ADGRA3: variants seen among roughly 807,000 people sequenced by gnomAD.
ADGRA3 encodes adhesion G protein-coupled receptor A3, also known as G-protein coupled receptor 125.
In ADGRA3, 56 loss-of-function variants were observed where a neutral mutation model predicts 119.8. That is an observed-to-expected ratio of 0.47 (90% CI 0.38 to 0.58). ADGRA3 has a LOEUF of 0.58. Among genes scored for constraint, ADGRA3 ranks in the 20% least tolerant of loss-of-function variants. The probability of loss-of-function intolerance (pLI) is 0.00; values close to 1 mark genes in which losing one functional copy is unlikely to be tolerated. For missense variants in ADGRA3, 1,516 were observed against 1,649.0 expected (o/e 0.92, Z 1.40); for synonymous variants, 607 against 623.8 (o/e 0.97, Z 0.40).
chr4:22,390,390 ATATATATATATAAAATACGTAT>A lies in ADGRA3; in HGVS notation c.2628-1229_2628-1208del, dbSNP rs1714082245. ...GTATTATATATATATAATACGTATT[ATATATATATATAAAATACGTAT>A]TATATATATATAATACGTATTATAT... On this transcript the variant is annotated intron_variant, in intron 17 of 18. Transcript: ENST00000334304. Among the ~76,000 whole-genome samples, 2 of 29,208 alleles carry A rather than the reference ATATATATATATAAAATACGTAT, an allele frequency of 6.8e-5. 1 individual carries two copies. 19.2% of individuals were successfully genotyped at this position (29,208 alleles called of 152,430 possible).
Position 22,515,905 on chromosome 4 carries a change from A to T in ADGRA3, c.-121T>A, listed in dbSNP as rs1307432779. 1.7e-6 allele frequency: 1 copy of T among 597,974 alleles called. No homozygotes were observed. 37.0% of individuals were successfully genotyped at this position (597,974 alleles called of 1,614,324 possible). ...GCGACCGGAGCCTTATGGCGGCCGGAGGACGGGCCTTCCCCGGCGCGGACA... is the reference window on the plus strand; with the variant it reads ...GCGACCGGAGCCTTATGGCGGCCGGTGGACGGGCCTTCCCCGGCGCGGACA... On this transcript the variant is annotated 5_prime_UTR_variant, in exon 1 of 19. Coordinates refer to ENST00000334304, the MANE Select transcript of ADGRA3 (RefSeq NM_145290.4).
chr4:22,510,950 G>A (rs796896306), intron 1 of ADGRA3, among the ~76,000 whole-genome samples: 73 of 152,246 alleles, frequency 4.8e-4, no homozygotes, highest in African/African-American at 1.7e-3. Flanking sequence ...TGAACAATAC[G>A]AGCATTTCTT....
intron 7 of ADGRA3, among the ~76,000 whole-genome samples, chr4:22,439,776 C>T (rs1716537066): frequency 6.6e-6 from 1 of 152,158 alleles, no homozygotes. Flanking sequence ...TATATTTCGT[C>T]AATGAAAATC....
chr4:22,465,464 C>T (rs183406758), intron 2 of ADGRA3, among the ~76,000 whole-genome samples: 2 of 152,276 alleles, frequency 1.3e-5, no homozygotes, highest in Admixed American at 6.5e-5. Flanking sequence ...GAGCTGCTAA[C>T]GGCCCTGTTG....
chr4:22,483,586 ACTTAAAACCAT>A (rs1428992966), intron 1 of ADGRA3, among the ~76,000 whole-genome samples: 1 of 152,206 alleles, frequency 6.6e-6, no homozygotes, highest in Admixed American at 6.5e-5. Flanking sequence ...GACCTTCTAA[ACTTAAAACCAT>A]CTTAAAACTG....
chr4:22,441,625 C>T (rs967454743), intron 7 of ADGRA3, among the ~76,000 whole-genome samples: 7 of 152,010 alleles, frequency 4.6e-5, no homozygotes, highest in African/African-American at 7.2e-5. Flanking sequence ...TCATTCATAA[C>T]GTCCAGTCTA....
intron 16 of ADGRA3, among the ~76,000 whole-genome samples, chr4:22,396,754 A>G (rs969561521): frequency 2.0e-5 from 2 of 98,348 alleles, no homozygotes; most frequent in Non-Finnish European, 4.4e-5. Context: ...CGACAATGAA[A>G]CGTCTAGACT....
At chr4:22,501,914 C>T (rs529627094) in intron 1 of ADGRA3, among the ~76,000 whole-genome samples, 15 of 96,914 alleles carry the variant, frequency 1.5e-4, no homozygotes, top group Admixed American at 1.4e-3. Flanking sequence ...GGGAAGAACT[C>T]GAATGTGTAA....
chr4:22,410,562 T>C (rs1715150899), intron 14 of ADGRA3, among the ~76,000 whole-genome samples: 1 of 152,172 alleles, frequency 6.6e-6, no homozygotes, highest in South Asian at 2.1e-4. Context: ...GATAGGAATT[T>C]AGACTTACTA....
At chr4:22,458,028 T>G (rs940122661) in intron 3 of ADGRA3, among the ~76,000 whole-genome samples, 8 of 152,228 alleles carry the variant, frequency 5.3e-5, no homozygotes, top group African/African-American at 1.9e-4. Context: ...GACAGTATTA[T>G]TTCACATTCC....
At chr4:22,414,714 T>G in intron 12 of ADGRA3, 2 of 631,440 alleles carry the variant, frequency 3.2e-6, no homozygotes, top group Middle Eastern at 2.5e-4. Context: ...TTGATGAAAA[T>G]CTATTGCTCA....
rs1303387564 is a variant in ADGRA3, at chr4:22,444,961, T to C, written c.706+12A>G. The C allele has an allele frequency of 1.2e-6, 2 of 1,612,118 alleles. No individual in the cohort carries two copies. Among genetic ancestry groups the C allele is most frequent in the Non-Finnish European group, 1.7e-6 (2 of 1,179,686 alleles). On this transcript the variant is annotated intron_variant, in intron 6 of 18. Transcript: ENST00000334304. ...ATGGTAAATGCTTTCTCAGTTTGGATTTCTCCCTTACCGCATGTCAACAGC... is the reference window on the plus strand; with the variant it reads ...ATGGTAAATGCTTTCTCAGTTTGGACTTCTCCCTTACCGCATGTCAACAGC...
intron 1 of ADGRA3, among the ~76,000 whole-genome samples, chr4:22,490,338 A>G (rs1718580497): frequency 6.6e-6 from 1 of 152,222 alleles, no homozygotes; most frequent in Non-Finnish European, 1.5e-5. Context: ...GTGTCTGTAT[A>G]TCAATAAAGA....
intron 1 of ADGRA3, among the ~76,000 whole-genome samples, chr4:22,485,719 C>T (rs1427100635): frequency 6.6e-6 from 1 of 152,166 alleles, no homozygotes; most frequent in Non-Finnish European, 1.5e-5. Flanking sequence ...ACCTCATATC[C>T]GTGGAGATGG....
At chr4:22,396,773 C>CCTTTT (rs60703391) in intron 16 of ADGRA3, among the ~76,000 whole-genome samples, 117,740 of 151,490 alleles carry the variant, frequency 0.78, 46,016 homozygotes, top group East Asian at 0.96. Context: ...CTTGCCTTTC[C>CCTTTT]CTTTTGTAAA....
At position 22,388,222 on chromosome 4, in the gene ADGRA3, T is replaced by A. The variant is rs753463580; in HGVS notation, c.3449A>T (p.Asp1150Val). The A allele has an allele frequency of 1.2e-6, 2 of 1,614,092 alleles. No individual in the cohort carries two copies. The highest frequency in any genetic ancestry group is 8.5e-7 in the Non-Finnish European group (1 of 1,179,984). ...NSLTEHSMDN[D>V]IKMHVAPLEV... ...TAAAGGCGCCACGTGCATTTTAATA[T>A]CATTGTCCATTGAATGTTCTGTCAG... The change falls in exon 19 of 19, where the codon GAT becomes GTT. Residue 1150 changes from aspartate to valine, a missense_variant. By Grantham distance (152) the Asp-to-Val change is radical. Around this residue, in one of 2 missense-constraint regions of ADGRA3, gnomAD observed 1,088 missense variants for 1,107.1 expected, o/e 0.98. Transcript: ENST00000334304.
At chr4:22,415,353 T>C (rs1053943492) in intron 12 of ADGRA3, among the ~76,000 whole-genome samples, 1 of 152,178 alleles carries the variant, frequency 6.6e-6, no homozygotes, top group Non-Finnish European at 1.5e-5. Flanking sequence ...GTATTTTAGA[T>C]GTTTGTATAT....
intron 11 of ADGRA3, among the ~76,000 whole-genome samples, chr4:22,422,932 C>G (rs917572952): frequency 6.6e-6 from 1 of 152,118 alleles, no homozygotes; most frequent in Non-Finnish European, 1.5e-5. Flanking sequence ...CGGTGGCTCA[C>G]GCCTGTAATC....
At chr4:22,405,709 T>C (rs1203313335) in intron 14 of ADGRA3, among the ~76,000 whole-genome samples, 1 of 152,170 alleles carries the variant, frequency 6.6e-6, no homozygotes, top group African/African-American at 2.4e-5. Context: ...CACAGGGCAC[T>C]GCTTCCACAG....
Sources: allele counts gnomAD v4.1 joint callset (sites outside exome capture counted in the v4.1 genomes callset), GRCh38; gene constraint gnomAD v4.1.1; regional missense constraint gnomAD v4.1.1; transcripts MANE v1.5; gene names NCBI Gene and HGNC (gene_info 2026-07-23, HGNC 2026-07-21).